Variants in EIF4E3 observed in about 807,000 individuals in gnomAD.
EIF4E3 encodes eukaryotic translation initiation factor 4E type 3.
In EIF4E3, 26 loss-of-function variants were observed where a neutral mutation model predicts 31.7. The ratio of observed to expected loss-of-function variants is 0.82; its 90% CI spans 0.60 to 1.14. The LOEUF is 1.14. Among genes scored for constraint, EIF4E3 ranks in the 50% most tolerant of loss-of-function variants. The pLI is 0.00. For missense variants in EIF4E3, 304 were observed against 270.9 expected (o/e 1.12, Z -0.86); for synonymous variants, 128 against 107.7 (o/e 1.19, Z -1.17).
the EIF4E3 span, among the ~76,000 whole-genome samples, chr3:71,662,562 C>G: frequency 6.6e-6 from 1 of 152,182 alleles, no homozygotes; most frequent in Non-Finnish European, 1.5e-5. Context: ...TTCTATGTTT[C>G]GTTCCCTTGA....
Position 71,753,459 on chromosome 3 carries a change from T to G in EIF4E3, c.-291+4A>C, listed in dbSNP as rs1381078505. On this transcript the variant is annotated splice_donor_region_variant and intron_variant, in intron 1 of 7. Transcript: ENST00000295612. Reference sequence around the variant, plus strand: ...CGCGGGCGCCGCCGCCGGACCCCCGTTACCTGGGGCCAAACGCGACTTGTC... The same window carrying G: ...CGCGGGCGCCGCCGCCGGACCCCCGGTACCTGGGGCCAAACGCGACTTGTC... The G allele has an allele frequency of 7.2e-5, 11 of 151,942 alleles. No individual in the cohort carries two copies. In the East Asian group the frequency reaches 1.8e-3, roughly 24 times the overall value. The allele number at this position is 151,942 out of a possible 1,614,324, so 9.4% of individuals were successfully genotyped here.
Position 71,682,533 on chromosome 3 carries a change from C to T in EIF4E3, c.*2149G>A, listed in dbSNP as rs2048936350. 6.6e-6 allele frequency: 1 copy of T among 152,138 alleles called. No individual in the cohort carries two copies. The highest frequency in any genetic ancestry group is 1.5e-5 in the Non-Finnish European group (1 of 68,022). The allele number at this position is 152,138 out of a possible 1,614,324, so 9.4% of individuals were successfully genotyped here. A position where few individuals can be genotyped will look rare whatever the true frequency, so the allele number is the denominator to read the frequency against. On this transcript the variant is annotated 3_prime_UTR_variant, in exon 7 of 7. Coordinates refer to ENST00000425534, the MANE Select transcript of EIF4E3 (RefSeq NM_001134651.2). The stretch of plus-strand genomic sequence containing the variant: ...TTAAATATTCAATTAAAACAATTTC[C>T]AAACCAAAATCTGACAAAATCCTCT...
chr3:71,725,558 G>A (rs1206755407), upstream of EIF4E3, among the ~76,000 whole-genome samples: 3 of 150,924 alleles, frequency 2.0e-5, no homozygotes, highest in African/African-American at 7.3e-5. This position sits in a 1 kb window ranked among gnomAD's most constrained non-coding sequence, Gnocchi z 6.1. Context: ...TGGGAGGCAC[G>A]GCCGGGCCGG....
At chr3:71,672,244 C>T (rs1353291789), downstream of EIF4E3, among the ~76,000 whole-genome samples, 1 of 151,982 alleles carries the variant, frequency 6.6e-6, no homozygotes, top group African/African-American at 2.4e-5. Context: ...TTTTTTTAAC[C>T]TCATCTTCAC....
upstream of EIF4E3, chr3:71,754,625 G>A (rs371933600): frequency 1.3e-3 from 1,934 of 1,466,634 alleles, 2 homozygotes; most frequent in Non-Finnish European, 1.6e-3. The surrounding 1 kb of genome is among the most constrained non-coding windows in gnomAD (Gnocchi z 5.8). Context: ...TGCTGGCCGT[G>A]GTGGTGGGCG....
chr3:71,696,655 T>A (rs1238013382), intron 3 of EIF4E3, 135 bp from the exon 4 acceptor site: 12 of 989,800 alleles, frequency 1.2e-5, no homozygotes, highest in Non-Finnish European at 1.8e-5. Context: ...ATTTTTCTTA[T>A]TTTTGTTTTT....
chr3:71,688,773 CA>C (rs1375706799), intron 6 of EIF4E3, among the ~76,000 whole-genome samples: 1 of 152,152 alleles, frequency 6.6e-6, no homozygotes, highest in African/African-American at 2.4e-5. Context: ...ATGGCATCGG[CA>C]AATTGGCAAC....
downstream of EIF4E3, among the ~76,000 whole-genome samples, chr3:71,674,132 C>T (rs1231337272): frequency 3.3e-5 from 4 of 122,386 alleles, no homozygotes; most frequent in Non-Finnish European, 5.0e-5. Context: ...TTTGAGACAG[C>T]GCCTCGCTGT....
At chr3:71,717,557 C>T (rs1235640306) in intron 1 of EIF4E3, among the ~76,000 whole-genome samples, 1 of 152,106 alleles carries the variant, frequency 6.6e-6, no homozygotes, top group Non-Finnish European at 1.5e-5. Context: ...TCTTGGTTTC[C>T]TTATTTGTAA....
chr3:71,739,380 C>T (rs1247120132), intron 1 of EIF4E3, among the ~76,000 whole-genome samples: 1 of 152,082 alleles, frequency 6.6e-6, no homozygotes, highest in East Asian at 1.9e-4. Context: ...AAAGTATCCA[C>T]TACCAGTAAA....
chr3:71,712,152 T>C (rs2049389252), intron 1 of EIF4E3, among the ~76,000 whole-genome samples: 2 of 152,226 alleles, frequency 1.3e-5, no homozygotes, highest in African/African-American at 4.8e-5. Flanking sequence ...TTGCTGGACA[T>C]TGTTTTAGAA....
the EIF4E3 span, among the ~76,000 whole-genome samples, chr3:71,660,514 C>T: frequency 1.3e-5 from 2 of 152,184 alleles, no homozygotes; most frequent in Middle Eastern, 3.4e-3. Flanking sequence ...GGAGAGAGAG[C>T]GACATCTGAA....
intron 1 of EIF4E3, among the ~76,000 whole-genome samples, chr3:71,719,897 C>G (rs2049520562): frequency 1.3e-5 from 2 of 152,020 alleles, no homozygotes; most frequent in Admixed American, 1.3e-4. Context: ...GCCTGTTGTC[C>G]CAGCTACTTG....
intron 6 of EIF4E3, among the ~76,000 whole-genome samples, chr3:71,687,669 G>A (rs866844043): frequency 1.3e-5 from 2 of 152,168 alleles, no homozygotes; most frequent in South Asian, 4.1e-4. Flanking sequence ...TGGAGTCTGT[G>A]CATTGTGAGT....
upstream of EIF4E3, chr3:71,754,256 CGCCTGCCTCCCG>C (rs2049975386): frequency 7.9e-7 from 1 of 1,259,794 alleles, no homozygotes; most frequent in Non-Finnish European, 1.0e-6. The surrounding 1 kb of genome is among the most constrained non-coding windows in gnomAD (Gnocchi z 5.8). Flanking sequence ...TGCGCGCGCT[CGCCTGCCTCCCG>C]GCCGTCATGC....
At chr3:71,659,533 T>C in the EIF4E3 span, among the ~76,000 whole-genome samples, 1 of 152,200 alleles carries the variant, frequency 6.6e-6, no homozygotes, top group Non-Finnish European at 1.5e-5. Context: ...GAATGGGCCA[T>C]GAGTTGAGCC....
At chr3:71,705,567 C>T (rs73837562) in intron 2 of EIF4E3, among the ~76,000 whole-genome samples, 1 of 152,094 alleles carries the variant, frequency 6.6e-6, no homozygotes, top group African/African-American at 2.4e-5. Flanking sequence ...GTAGAATGTA[C>T]CACAAGTGAG....
At chr3:71,666,468 A>G in the EIF4E3 span, among the ~76,000 whole-genome samples, 1 of 152,200 alleles carries the variant, frequency 6.6e-6, no homozygotes, top group Non-Finnish European at 1.5e-5. Context: ...TACCTCCCAA[A>G]AAAAGCCCAG....
At chr3:71,697,211 C>CG (rs2049152043) in intron 3 of EIF4E3, among the ~76,000 whole-genome samples, 1 of 151,954 alleles carries the variant, frequency 6.6e-6, no homozygotes, top group Admixed American at 6.6e-5. Flanking sequence ...GAGACAGGGT[C>CG]TCTCTCACTT....
Sources: gnomAD v4.1 joint callset for allele counts (sites outside exome capture counted in the v4.1 genomes callset) on GRCh38, gnomAD v4.1.1 for gene constraint, Gnocchi (gnomAD v3.1) non-coding constraint, MANE v1.5 for transcripts, NCBI Gene and HGNC (gene_info 2026-07-23, HGNC 2026-07-21) for gene names.